Variants in PRKDC observed in about 807,000 individuals in gnomAD.
PRKDC encodes DNA-dependent protein kinase catalytic subunit.
Under a neutral mutation model 486.9 loss-of-function variants are expected in PRKDC, and 82 were observed. That is an observed-to-expected ratio of 0.17 (90% CI 0.14 to 0.20). PRKDC has a LOEUF of 0.20. Among genes scored for constraint, PRKDC ranks in the 10% least tolerant of loss-of-function variants. The probability of loss-of-function intolerance (pLI) is 1.00; values close to 1 mark genes in which losing one functional copy is unlikely to be tolerated. For missense variants in PRKDC, 4,504 were observed against 5,038.2 expected, an observed-to-expected ratio of 0.89 and a Z score of 3.21; for synonymous variants, 1,895 against 1,837.0, an observed-to-expected ratio of 1.03 and a Z score of -0.81.
chr8:47,794,645 G>T, intron 73 of PRKDC, 144 bp from the exon 74 acceptor site: 1 of 702,334 alleles, frequency 1.4e-6, no homozygotes, highest in Non-Finnish European at 2.3e-6. Flanking sequence ...GCTCTCTTCT[G>T]CTGCGGCAAC....
rs750875142 is a variant in PRKDC at position 47,783,754 on chromosome 8, C to T, written c.11163G>A (p.Gly3721=). 48 of 1,613,864 alleles carry T rather than the reference C, an allele frequency of 3.0e-5. No individual in the cohort carries two copies. Among genetic ancestry groups the T allele is most frequent in the Non-Finnish European group, 8.5e-6 (10 of 1,179,892 alleles). The change falls in exon 78 of 86, where the codon GGG becomes GGA. Residue 3721 remains glycine (G), a synonymous_variant. Coordinates refer to ENST00000314191, the MANE Select transcript of PRKDC (RefSeq NM_006904.7). The part of the protein sequence containing the change: ...PLPEYHVRIA[G]FDERVTVMAS... ...CCCTCACACCTACCCGCTCATCAAA[C>T]CCGGCGATTCGCACGTGGTACTCTG...
intron 80 of PRKDC, among the ~76,000 whole-genome samples, chr8:47,780,163 C>T (rs974775870): frequency 6.6e-6 from 1 of 152,154 alleles, no homozygotes. Context: ...GATCCGCCCA[C>T]CTTGGCCTCC....
chr8:47,788,686 C>CT (rs1174617917), intron 76 of PRKDC, among the ~76,000 whole-genome samples: 1 of 152,208 alleles, frequency 6.6e-6, no homozygotes, highest in Non-Finnish European at 1.5e-5. Context: ...TAATGAAACT[C>CT]TGAGGTTTTA....
intron 25 of PRKDC, among the ~76,000 whole-genome samples, chr8:47,910,040 A>G (rs1210084428): frequency 6.6e-6 from 1 of 152,024 alleles, no homozygotes; most frequent in Non-Finnish European, 1.5e-5. Flanking sequence ...TAAAATCCCT[A>G]ATAAAAATCT....
In PRKDC at chr8:47,774,016, A is replaced by G; in HGVS notation, c.*157T>C. 1 of 705,566 alleles carries G rather than the reference A, an allele frequency of 1.4e-6. No individual in the cohort carries two copies. Among genetic ancestry groups the G allele is most frequent in the Non-Finnish European group, 2.3e-6 (1 of 438,476 alleles). The allele number at this position is 705,566 out of a possible 1,614,324, so 43.7% of individuals were successfully genotyped here. A position where few individuals can be genotyped will look rare whatever the true frequency, so the allele number is the denominator to read the frequency against. On this transcript the variant is annotated 3_prime_UTR_variant, in exon 86 of 86. Coordinates refer to ENST00000314191, the MANE Select transcript of PRKDC (RefSeq NM_006904.7). ...TGATTTAACCCATACACATTTACTC[A>G]TCATAATCTTGATTTAAACTCATGC...
chr8:47,931,721 C>A (rs943603816), intron 16 of PRKDC, among the ~76,000 whole-genome samples: 1 of 152,138 alleles, frequency 6.6e-6, no homozygotes, highest in Non-Finnish European at 1.5e-5. Context: ...GAGGTACTGA[C>A]GCATGAACTC....
At chr8:47,789,565 A>G (rs2086851542) in intron 74 of PRKDC, among the ~76,000 whole-genome samples, 1 of 152,076 alleles carries the variant, frequency 6.6e-6, no homozygotes, top group Non-Finnish European at 1.5e-5. Context: ...CAAGGCCAGT[A>G]TTATCCTGAT....
At chr8:47,854,353 G>A (rs888734497) in intron 50 of PRKDC, 139 bp from the exon 51 acceptor site, 26 of 938,622 alleles carry the variant, frequency 2.8e-5, no homozygotes, top group East Asian at 1.3e-4. Flanking sequence ...TGACTGAGAC[G>A]GAGTCTTGGA....
intron 63 of PRKDC, among the ~76,000 whole-genome samples, chr8:47,825,017 T>C (rs2087701118): frequency 6.6e-6 from 1 of 152,186 alleles, no homozygotes; most frequent in Non-Finnish European, 1.5e-5. Context: ...TGCAGCTCTC[T>C]TATTGCCCTG....
In PRKDC at chr8:47,893,452, C is replaced by A. The variant is rs2089507668; in HGVS notation, c.3599-65G>T. The A allele has an allele frequency of 3.0e-6, 4 of 1,342,722 alleles. No individual in the cohort carries two copies. The South Asian group carries it at 6.8e-5, about 23-fold the overall frequency. The allele number at this position is 1,342,722 out of a possible 1,614,324, so 83.2% of individuals were successfully genotyped here. ...ACATTTCTTTAATCTAATCTTTGTACCTAAAATTTCAAAATGTTATGGGAC... is the reference window on the plus strand; with the variant it reads ...ACATTTCTTTAATCTAATCTTTGTAACTAAAATTTCAAAATGTTATGGGAC... On this transcript the variant is annotated intron_variant, in intron 30 of 85. Transcript: ENST00000314191.
chr8:47,923,734 G>A (rs1050492980), intron 21 of PRKDC, among the ~76,000 whole-genome samples: 3 of 152,226 alleles, frequency 2.0e-5, no homozygotes, highest in Admixed American at 1.3e-4. Flanking sequence ...CAGGAATTGA[G>A]AATCATGCTC....
intron 40 of PRKDC, 33 bp downstream of exon 40, chr8:47,877,691 T>C (rs1376062921): frequency 1.3e-6 from 2 of 1,528,738 alleles, no homozygotes; most frequent in East Asian, 2.4e-5. Flanking sequence ...GAAATGCGTA[T>C]GGTTCCTGAG....
intron 54 of PRKDC, among the ~76,000 whole-genome samples, chr8:47,842,620 A>C (rs1008410956): frequency 1.3e-5 from 2 of 152,140 alleles, no homozygotes; most frequent in African/African-American, 4.8e-5. Context: ...AAAAAGATAA[A>C]GGAACACCAG....
intron 7 of PRKDC, among the ~76,000 whole-genome samples, chr8:47,946,316 CA>C (rs530286562): frequency 1.2e-3 from 177 of 150,568 alleles, no homozygotes; most frequent in East Asian, 2.0e-3. Flanking sequence ...GACTCTGCCT[CA>C]AAAAAAAACC....
intron 30 of PRKDC, among the ~76,000 whole-genome samples, chr8:47,896,208 T>TACTCTATA (rs1277059199): frequency 6.6e-6 from 1 of 151,836 alleles, no homozygotes; most frequent in Non-Finnish European, 1.5e-5. Context: ...TATTTATACA[T>TACTCTATA]ACTCTATAGT....
chr8:47,862,310 C>A (rs1300059076), intron 43 of PRKDC, 63 bp downstream of exon 43: 4 of 1,495,180 alleles, frequency 2.7e-6, no homozygotes, highest in Middle Eastern at 1.7e-4. Context: ...GTAAGTTTGA[C>A]TGATATAATC....
At chr8:47,936,273 A>G in intron 12 of PRKDC, 80 bp downstream of exon 12, 1 of 1,443,370 alleles carries the variant, frequency 6.9e-7, no homozygotes, top group South Asian at 1.4e-5. Flanking sequence ...CCTACACTAA[A>G]TGTATTGTAT....
chr8:47,882,642 T>C (rs1196031355), intron 36 of PRKDC, among the ~76,000 whole-genome samples: 1 of 152,172 alleles, frequency 6.6e-6, no homozygotes, highest in Non-Finnish European at 1.5e-5. Context: ...GCACACTTCT[T>C]GTTCAACTAC....
chr8:47,892,296 T>G (rs186339300), intron 31 of PRKDC, among the ~76,000 whole-genome samples: 65 of 152,262 alleles, frequency 4.3e-4, no homozygotes, highest in African/African-American at 1.5e-3. Flanking sequence ...CAGTAAAAAA[T>G]GTAATGTGCA....
Sources: gnomAD v4.1 joint callset for allele counts (sites outside exome capture counted in the v4.1 genomes callset) on GRCh38, gnomAD v4.1.1 for gene constraint, MANE v1.5 for transcripts, NCBI Gene and HGNC (gene_info 2026-07-23, HGNC 2026-07-21) for gene names.